Variants in IGF2BP3 observed in about 807,000 individuals in gnomAD.
IGF2BP3 encodes the protein insulin-like growth factor 2 mRNA-binding protein 3.
In IGF2BP3, 9 loss-of-function variants were observed where a neutral mutation model predicts 73.8. That is an observed-to-expected ratio of 0.12 (90% CI 0.07 to 0.21). The LOEUF (loss-of-function observed/expected upper bound fraction) is 0.21. Among genes scored for constraint, IGF2BP3 ranks in the 10% least tolerant of loss-of-function variants. IGF2BP3 has a pLI of 1.00. For missense variants in IGF2BP3, 542 were observed against 714.0 expected, an observed-to-expected ratio of 0.76 and a Z score of 2.75; for synonymous variants, 258 against 256.7, an observed-to-expected ratio of 1.01 and a Z score of -0.05.
chr7:23,349,328 A>C (rs935564159), intron 6 of IGF2BP3, among the ~76,000 whole-genome samples: 6 of 152,206 alleles, frequency 3.9e-5, no homozygotes, highest in Non-Finnish European at 5.9e-5. Context: ...TTGAAATCTG[A>C]AGATTTACCT....
In IGF2BP3 at chr7:23,351,291, C is replaced by T. The variant is rs1784953684; in HGVS notation, c.683+14G>A. 6.2e-7 allele frequency: 1 copy of T among 1,612,836 alleles called. No individual in the cohort carries two copies. The highest frequency in any genetic ancestry group is 2.2e-5 in the East Asian group (1 of 44,876). ...AATTCTCATGAACACCCACCACACACTCAGCATACTCACTTAGACTGGGTC... is the reference window on the plus strand; with the variant it reads ...AATTCTCATGAACACCCACCACACATTCAGCATACTCACTTAGACTGGGTC... On this transcript the variant is annotated intron_variant, in intron 6 of 14. Coordinates refer to ENST00000258729, the MANE Select transcript of IGF2BP3 (RefSeq NM_006547.3).
chr7:23,414,805 G>A (rs139842828), intron 3 of IGF2BP3: 276 of 176,264 alleles, frequency 1.6e-3, no homozygotes, highest in Middle Eastern at 7.6e-3. Flanking sequence ...TCTGTCAGTC[G>A]GCATCCCCAC....
chr7:23,451,919 G>A (rs570902032), intron 2 of IGF2BP3, among the ~76,000 whole-genome samples: 1 of 147,380 alleles, frequency 6.8e-6, no homozygotes, highest in East Asian at 1.9e-4. Flanking sequence ...CTGCACTCCA[G>A]CCTGGGCGAC....
intron 6 of IGF2BP3, among the ~76,000 whole-genome samples, chr7:23,350,179 A>C (rs1402443709): frequency 6.6e-6 from 1 of 152,234 alleles, no homozygotes; most frequent in African/African-American, 2.4e-5. Context: ...GGTGCCTATG[A>C]TGAACATGCA....
intron 2 of IGF2BP3, among the ~76,000 whole-genome samples, chr7:23,431,831 A>C (rs549551649): frequency 1.3e-5 from 2 of 152,040 alleles, no homozygotes; most frequent in African/African-American, 2.4e-5. Flanking sequence ...CCGCCAACCC[A>C]CACACACACA....
chr7:23,466,586 T>C (rs369487968), intron 2 of IGF2BP3, among the ~76,000 whole-genome samples: 2 of 152,382 alleles, frequency 1.3e-5, no homozygotes, highest in East Asian at 3.9e-4. Flanking sequence ...TGGTGACATC[T>C]TACCTTATGT....
At chr7:23,460,323 T>A (rs956880313) in intron 2 of IGF2BP3, among the ~76,000 whole-genome samples, 1 of 151,004 alleles carries the variant, frequency 6.6e-6, no homozygotes, top group Non-Finnish European at 1.5e-5. Context: ...AAGTTATGAG[T>A]TCAAGACCAA....
chr7:23,321,985 A>G (rs1010792469), intron 10 of IGF2BP3, among the ~76,000 whole-genome samples: 32 of 152,210 alleles, frequency 2.1e-4, no homozygotes, highest in African/African-American at 7.5e-4. Flanking sequence ...AAACAGAGCA[A>G]AAAAACTGGA....
chr7:23,418,459 A>G (rs1451065823), intron 3 of IGF2BP3, among the ~76,000 whole-genome samples: 1 of 152,250 alleles, frequency 6.6e-6, no homozygotes, highest in East Asian at 1.9e-4. Flanking sequence ...TAGGAACTTC[A>G]TATTTAAATA....
In IGF2BP3 at chr7:23,342,064, C is replaced by G; in HGVS notation, c.1203G>C (p.Glu401Asp). 1 of 1,568,560 alleles carries G rather than the reference C, an allele frequency of 6.4e-7. No homozygotes were observed. Among genetic ancestry groups the G allele is most frequent in the Non-Finnish European group, 8.6e-7 (1 of 1,164,196 alleles). The change falls in exon 10 of 15, where the codon GAG becomes GAC. Residue 401 changes from glutamate to aspartate, a missense_variant and splice_region_variant. Glu to Asp is a conservative substitution (Grantham distance 45). This residue lies in a region of IGF2BP3 where 303 missense variants were observed against 472.1 expected (regional missense o/e 0.64). Coordinates refer to ENST00000258729, the MANE Select transcript of IGF2BP3 (RefSeq NM_006547.3). ...AGAAAGCCAAGGCCAGTTATCTTACCTCAAACTGCGGGTAGGGAGGAGTCA... is the reference window on the plus strand; with the variant it reads ...AGAAAGCCAAGGCCAGTTATCTTACGTCAAACTGCGGGTAGGGAGGAGTCA... Reference protein sequence around the residue: ...SAMTPPYPQFEQSETETVHLF... With the variant: ...SAMTPPYPQFDQSETETVHLF...
At chr7:23,351,660 C>T (rs1010307211) in intron 5 of IGF2BP3, 74 bp from the exon 6 acceptor site, 1 of 1,500,326 alleles carries the variant, frequency 6.7e-7, no homozygotes, top group African/African-American at 1.4e-5. Flanking sequence ...AAGCAACACC[C>T]ATCTCTTCTA....
rs991762651 is a variant in IGF2BP3 at position 23,408,519 on chromosome 7, T to C, written c.285+10257A>G. Among the ~76,000 whole-genome samples the C allele has an allele frequency of 2.0e-5, 3 of 152,154 alleles. No individual in the cohort carries two copies. In the East Asian group the frequency reaches 5.8e-4, roughly 29 times the overall value. On this transcript the variant is annotated intron_variant, in intron 3 of 14. Coordinates refer to ENST00000258729, the MANE Select transcript of IGF2BP3 (RefSeq NM_006547.3). ...AAAATAACAAGTGTTGAAGTGGACA[T>C]GGAGAAGTTAGAACACACTTGGGCA...
chr7:23,316,995 G>T (rs900558742), intron 12 of IGF2BP3, among the ~76,000 whole-genome samples: 1 of 152,176 alleles, frequency 6.6e-6, no homozygotes, highest in Non-Finnish European at 1.5e-5. Flanking sequence ...AAAAGGTTAA[G>T]TAACTTGCCC....
At chr7:23,360,070 A>G (rs1474988052) in intron 5 of IGF2BP3, among the ~76,000 whole-genome samples, 2 of 151,510 alleles carry the variant, frequency 1.3e-5, no homozygotes, top group Non-Finnish European at 2.9e-5. Flanking sequence ...TCACTTTCAC[A>G]TACTAGATTG....
chr7:23,436,292 G>A (rs904038174), intron 2 of IGF2BP3, among the ~76,000 whole-genome samples: 1 of 152,174 alleles, frequency 6.6e-6, no homozygotes, highest in Admixed American at 6.5e-5. Context: ...TTAAAAGTCT[G>A]TCTTTTAGAG....
chr7:23,397,212 T>C (rs531859010), intron 3 of IGF2BP3, among the ~76,000 whole-genome samples: 1 of 152,344 alleles, frequency 6.6e-6, no homozygotes, highest in Admixed American at 6.5e-5. Context: ...GAAGCTGACT[T>C]GGATAAGACA....
chr7:23,459,120 G>A (rs77642293), intron 2 of IGF2BP3, among the ~76,000 whole-genome samples: 2,412 of 152,238 alleles, frequency 0.016, 75 homozygotes, highest in African/African-American at 0.055. Context: ...CCTGGAAGTA[G>A]TACTCTATTG....
chr7:23,385,816 C>T (rs2128519123), intron 3 of IGF2BP3, among the ~76,000 whole-genome samples: 1 of 152,084 alleles, frequency 6.6e-6, no homozygotes, highest in South Asian at 2.1e-4. Flanking sequence ...AAGCAGTTGT[C>T]TTGCCTCTGC....
intron 7 of IGF2BP3, among the ~76,000 whole-genome samples, chr7:23,347,337 C>T (rs1046511374): frequency 7.2e-5 from 11 of 152,280 alleles, no homozygotes; most frequent in African/African-American, 2.4e-4. Flanking sequence ...ACCTCCTGGT[C>T]CTAGGTTCCC....
Sources: gnomAD v4.1 joint callset for allele counts (sites outside exome capture counted in the v4.1 genomes callset) on GRCh38, gnomAD v4.1.1 for gene constraint, gnomAD v4.1.1 regional missense constraint, MANE v1.5 for transcripts, NCBI Gene and HGNC (gene_info 2026-07-23, HGNC 2026-07-21) for gene names.